Variants in SLC35A3 observed in about 807,000 individuals in gnomAD.
SLC35A3 encodes the protein UDP-N-acetylglucosamine transporter.
A neutral mutation model predicts 39.0 loss-of-function variants in SLC35A3; 26 were observed. The observed-to-expected ratio is 0.67, with a 90% CI of 0.49 to 0.92. The LOEUF (loss-of-function observed/expected upper bound fraction) is 0.92. SLC35A3 is among the 40% of genes least tolerant of loss of function. The pLI is 0.00. For synonymous variants in SLC35A3, 135 were observed against 133.1 expected, an observed-to-expected ratio of 1.01 and a Z score of -0.10; for missense variants, 299 against 371.6, an observed-to-expected ratio of 0.80 and a Z score of 1.61.
At chr1:99,991,038 G>C (rs1006493340) in intron 1 of SLC35A3, among the ~76,000 whole-genome samples, 1 of 152,208 alleles carries the variant, frequency 6.6e-6, no homozygotes, top group African/African-American at 2.4e-5. Context: ...AAGCCACCCA[G>C]TCTATGATAC....
Position 100,015,286 on chromosome 1 carries a change from C to T in SLC35A3, c.635-16C>T, listed in dbSNP as rs1204216688. 1 of 1,584,368 alleles carries T rather than the reference C, an allele frequency of 6.3e-7. No homozygotes were observed. The highest frequency in any genetic ancestry group is 1.4e-5 in the African/African-American group (1 of 73,034). On this transcript the variant is annotated splice_polypyrimidine_tract_variant and intron_variant, in intron 5 of 7. Coordinates refer to ENST00000533028, the MANE Select transcript of SLC35A3 (RefSeq NM_012243.3). ...CAAACTAAACGATATATCATGTAGA[C>T]TTTACTTTTTTTTAGGTTTCTTTGG... is the stretch of plus-strand genomic sequence containing the variant.
At chr1:99,996,750 CT>C (rs1255347047) in intron 2 of SLC35A3, among the ~76,000 whole-genome samples, 1 of 151,860 alleles carries the variant, frequency 6.6e-6, no homozygotes, top group Non-Finnish European at 1.5e-5. Flanking sequence ...TTTTAGTTTT[CT>C]TTTCTGGTAA....
intron 2 of SLC35A3, among the ~76,000 whole-genome samples, chr1:99,996,826 G>A (rs969391458): frequency 6.6e-6 from 1 of 152,004 alleles, no homozygotes; most frequent in Non-Finnish European, 1.5e-5. Flanking sequence ...ATTATTTTGG[G>A]TTGAGGAGAG....
chr1:100,014,170 AT>A (rs1255252902), intron 5 of SLC35A3, among the ~76,000 whole-genome samples: 6 of 152,176 alleles, frequency 3.9e-5, no homozygotes, highest in Non-Finnish European at 8.8e-5. Context: ...CTTAGCTGTG[AT>A]TTTTTGGATA....
At chr1:100,007,652 C>T (rs1034551522) in intron 4 of SLC35A3, 1 of 151,870 alleles carries the variant, frequency 6.6e-6, no homozygotes, top group Admixed American at 6.6e-5. Context: ...TTCATCTATT[C>T]TTGGGGGGCG....
intron 1 of SLC35A3, among the ~76,000 whole-genome samples, chr1:99,975,599 G>A (rs911125764): frequency 3.9e-5 from 6 of 152,310 alleles, no homozygotes; most frequent in African/African-American, 1.2e-4. Flanking sequence ...AGAGAAGGGA[G>A]AAGAGGTGTT....
At chr1:99,999,240 T>G in intron 2 of SLC35A3, 21 bp from the exon 3 acceptor site, 1 of 1,460,202 alleles carries the variant, frequency 6.8e-7, no homozygotes. Context: ...AATTACTGAT[T>G]TTTCTCATAT....
At chr1:99,988,673 A>T in intron 1 of SLC35A3, among the ~76,000 whole-genome samples, 1 of 98,426 alleles carries the variant, frequency 1.0e-5, no homozygotes, top group Non-Finnish European at 1.9e-5. Context: ...GTTTCTTCCC[A>T]TCCTTTCCTA....
Position 100,017,898 on chromosome 1 carries a change from TGAA to T in SLC35A3, c.887+88_887+90del, listed in dbSNP as rs1294492522. ...TCTTTGTAAGGTGATCTGATAAATT[TGAA>T]GAAGCACTGAAATATAATTTTAAAA... On this transcript the variant is annotated intron_variant, in intron 7 of 7. Transcript: ENST00000533028. 3 of 719,618 alleles carry T rather than the reference TGAA, an allele frequency of 4.2e-6. No homozygotes were observed. In the African/African-American group the frequency reaches 5.6e-5, roughly 13 times the overall value. 44.6% of individuals were successfully genotyped at this position (719,618 alleles called of 1,614,324 possible).
intron 2 of SLC35A3, 41 bp from the exon 3 acceptor site, chr1:99,999,220 A>C: frequency 7.7e-7 from 1 of 1,300,406 alleles, no homozygotes; most frequent in Non-Finnish European, 1.0e-6. Context: ...TAACTTATTC[A>C]GAGTTACTTA....
chr1:100,008,531 G>C (rs1226212939), intron 4 of SLC35A3: 2 of 152,214 alleles, frequency 1.3e-5, no homozygotes, highest in African/African-American at 2.4e-5. Context: ...TGTACCTACA[G>C]TTCTAGACTC....
chr1:99,984,281 G>C (rs1389668273), intron 1 of SLC35A3, among the ~76,000 whole-genome samples: 1 of 152,208 alleles, frequency 6.6e-6, no homozygotes, highest in Non-Finnish European at 1.5e-5. Flanking sequence ...TAGAGTTGTA[G>C]ATTAAAGGGG....
At chr1:100,011,084 T>C (rs966556412) in intron 4 of SLC35A3, among the ~76,000 whole-genome samples, 19 of 152,222 alleles carry the variant, frequency 1.2e-4, no homozygotes, top group African/African-American at 4.1e-4. Context: ...TAAATTAAAC[T>C]TTAAGGAATT....
chr1:99,990,530 T>C (rs1658020841), intron 1 of SLC35A3, among the ~76,000 whole-genome samples: 2 of 152,128 alleles, frequency 1.3e-5, no homozygotes, highest in South Asian at 2.1e-4. Flanking sequence ...GCTGAGATCA[T>C]ACCACTGCAC....
chr1:99,987,487 T>C (rs1657816421), intron 1 of SLC35A3, among the ~76,000 whole-genome samples: 1 of 152,178 alleles, frequency 6.6e-6, no homozygotes, highest in Non-Finnish European at 1.5e-5. Flanking sequence ...ATTAAAAATT[T>C]TATCCTTATA....
chr1:99,999,370 T>G lies in SLC35A3; in HGVS notation c.297T>G (p.Asn99Lys). 6.3e-7 allele frequency: 1 copy of G among 1,596,952 alleles called. No homozygotes were observed. Among genetic ancestry groups the G allele is most frequent in the Non-Finnish European group, 8.5e-7 (1 of 1,172,648 alleles). ...IPSGIYTLQNNLLYVALSNLD... is the reference protein window; with the variant it reads ...IPSGIYTLQNKLLYVALSNLD... Reference sequence around the variant, plus strand: ...CAGGGATCTATACTCTTCAGAATAATTTACTGTATGTGGCACTATCAAATC... The same window carrying G: ...CAGGGATCTATACTCTTCAGAATAAGTTACTGTATGTGGCACTATCAAATC... The change falls in exon 3 of 8, where the codon AAT (asparagine) becomes AAG (lysine). Residue 99 changes from asparagine (N) to lysine (K), a missense_variant. Physicochemically the swap from Asn to Lys is moderately conservative, Grantham distance 94. Transcript: ENST00000533028.
intron 1 of SLC35A3, among the ~76,000 whole-genome samples, chr1:99,991,358 C>T (rs1658069328): frequency 6.6e-6 from 1 of 152,136 alleles, no homozygotes; most frequent in African/African-American, 2.4e-5. Context: ...GTTGGCCAGG[C>T]TGGTCTTGAA....
chr1:100,026,971 C>G lies in SLC35A3; in HGVS notation c.*4495C>G, dbSNP rs1300511889. The G allele has an allele frequency of 5.2e-6, 2 of 387,108 alleles. No homozygotes were observed. The highest frequency in any genetic ancestry group is 4.6e-6 in the Non-Finnish European group (1 of 219,774). The allele number at this position is 387,108 out of a possible 1,614,324, so 24.0% of individuals were successfully genotyped here. Reference sequence around the variant, plus strand: ...AAATAGATTATTTTCATAAAGAACTCTATACAAATCTTTTTCTATATTTCC... The same window carrying G: ...AAATAGATTATTTTCATAAAGAACTGTATACAAATCTTTTTCTATATTTCC... On this transcript the variant is annotated 3_prime_UTR_variant, in exon 8 of 8. Transcript: ENST00000533028.
chr1:99,995,083 T>C (rs1419984728), intron 2 of SLC35A3, among the ~76,000 whole-genome samples: 1 of 151,770 alleles, frequency 6.6e-6, no homozygotes, highest in Non-Finnish European at 1.5e-5. Flanking sequence ...TTTATGGGGT[T>C]TTTTTTTGGC....
Sources: allele counts gnomAD v4.1 joint callset (sites outside exome capture counted in the v4.1 genomes callset), GRCh38; gene constraint gnomAD v4.1.1; transcripts MANE v1.5; gene names NCBI Gene and HGNC (gene_info 2026-07-23, HGNC 2026-07-21).